The following C1QTNF3 variants were observed in gnomAD, a reference collection of about 807,000 sequenced individuals.
The protein encoded by C1QTNF3 is complement C1q tumor necrosis factor-related protein 3.
Under a neutral mutation model 32.6 loss-of-function variants are expected in C1QTNF3, and 26 were observed. The observed-to-expected ratio is 0.80, with a 90% CI of 0.58 to 1.11. C1QTNF3 has a LOEUF of 1.11. C1QTNF3 is among the 50% of genes least tolerant of loss of function. The pLI, the probability that C1QTNF3 is intolerant of heterozygous loss-of-function variation, is 0.00. For missense variants in C1QTNF3, 362 were observed against 398.2 expected (o/e 0.91, Z 0.77); for synonymous variants, 155 against 146.0 (o/e 1.06, Z -0.44).
the C1QTNF3 span, among the ~76,000 whole-genome samples, chr5:34,068,013 T>C: frequency 6.6e-6 from 1 of 152,208 alleles, no homozygotes; most frequent in African/African-American, 2.4e-5. Flanking sequence ...CTTTTTTTAA[T>C]GAATGATTTA....
the C1QTNF3 span, among the ~76,000 whole-genome samples, chr5:34,054,492 T>TG: frequency 3.3e-5 from 5 of 152,202 alleles, no homozygotes; most frequent in Non-Finnish European, 7.3e-5. Context: ...CAAGCTGCCA[T>TG]GAACAGTTCA....
intron 2 of C1QTNF3, among the ~76,000 whole-genome samples, chr5:34,034,006 G>A (rs1754678769): frequency 6.6e-6 from 1 of 152,040 alleles, no homozygotes; most frequent in South Asian, 2.1e-4. Context: ...TACAAAAATA[G>A]AAATTAAAAA....
chr5:34,026,697 C>G (rs73079050), intron 4 of C1QTNF3, among the ~76,000 whole-genome samples: 6,698 of 152,074 alleles, frequency 0.044, 194 homozygotes, highest in Middle Eastern at 0.099. Context: ...CTGCCCTGGT[C>G]CTTTCTTCAC....
the C1QTNF3 span, among the ~76,000 whole-genome samples, chr5:34,052,803 A>G: frequency 1.1e-4 from 17 of 152,370 alleles, no homozygotes; most frequent in South Asian, 1.9e-3. Context: ...TCAAGTCTGC[A>G]TAAATTGTTT....
the C1QTNF3 span, among the ~76,000 whole-genome samples, chr5:34,085,714 A>G: frequency 6.6e-6 from 1 of 151,798 alleles, no homozygotes; most frequent in Non-Finnish European, 1.5e-5. Flanking sequence ...GTCGTTAGAG[A>G]AATGCAAATC....
chr5:34,027,735 C>A (rs1018429291), intron 4 of C1QTNF3, among the ~76,000 whole-genome samples: 127 of 81,010 alleles, frequency 1.6e-3, no homozygotes, highest in African/African-American at 2.0e-3. Context: ...CCACCACCAC[C>A]AAAAAAAAAA....
chr5:34,022,334 G>C (rs1363141586), intron 5 of C1QTNF3, among the ~76,000 whole-genome samples: 2 of 152,216 alleles, frequency 1.3e-5, no homozygotes, highest in Non-Finnish European at 2.9e-5. Flanking sequence ...CAGGAAGTGG[G>C]CTGTGAGAGA....
the C1QTNF3 span, among the ~76,000 whole-genome samples, chr5:34,077,605 A>G: frequency 6.6e-6 from 1 of 151,740 alleles, no homozygotes; most frequent in Non-Finnish European, 1.5e-5. Flanking sequence ...TAATTCTTTA[A>G]AAGTTTAAGT....
chr5:34,114,194 C>T, the C1QTNF3 span, among the ~76,000 whole-genome samples: 1 of 152,136 alleles, frequency 6.6e-6, no homozygotes, highest in Non-Finnish European at 1.5e-5. Context: ...TTACACTGTA[C>T]CGTCTGCTTA....
At chr5:34,166,640 A>G in the C1QTNF3 span, 2 of 152,186 alleles carry the variant, frequency 1.3e-5, no homozygotes, top group Non-Finnish European at 2.9e-5. Context: ...TTTTATAAAC[A>G]TATGTTTTAG....
rs1754401700 is a variant in C1QTNF3 at position 34,023,938 on chromosome 5, G to A, written c.771C>T (p.His257=). The A allele has an allele frequency of 6.2e-7, 1 of 1,613,966 alleles. No individual in the cohort carries two copies. The highest frequency in any genetic ancestry group is 1.7e-5 in the Admixed American group (1 of 60,006). ...DVEEVYVYLM[H]NGNTVFSMYS... is the part of the protein sequence containing the mutation. ...ACATGCTGAAGACTGTGTTGCCATT[G>A]TGCATAAGGTACACATACACTTCCT... Residue 257 remains histidine (H), a synonymous_variant, in exon 5 of 6, where the codon CAC becomes CAT. Transcript: ENST00000382065.
the C1QTNF3 span, among the ~76,000 whole-genome samples, chr5:34,221,250 T>A: frequency 4.6e-5 from 7 of 152,114 alleles, no homozygotes; most frequent in Non-Finnish European, 1.0e-4. Flanking sequence ...TATCTATACA[T>A]AAATCAGCAC....
In C1QTNF3 at chr5:34,028,717, T is replaced by G; in HGVS notation, c.700+37A>C. On this transcript the variant is annotated intron_variant, in intron 4 of 5. Transcript: ENST00000382065. ...TCCTTAATTGTCTTTATTATTACAT[T>G]GATTAACTCAATCTTCATCCTATGT... 1.9e-6 allele frequency: 3 copies of G among 1,561,102 alleles called. No homozygotes were observed. The South Asian group carries it at 3.6e-5, about 19-fold the overall frequency.
the C1QTNF3 span, among the ~76,000 whole-genome samples, chr5:34,071,969 T>C: frequency 2.5e-3 from 387 of 151,768 alleles, 2 homozygotes; most frequent in African/African-American, 9.2e-3. Context: ...TTTCCATTGC[T>C]GGGGATGACC....
In C1QTNF3 at chr5:34,020,304, C is replaced by T. The variant is rs947889677; in HGVS notation, c.*279G>A. The T allele has an allele frequency of 3.0e-5, 9 of 303,590 alleles. No individual in the cohort carries two copies. Among genetic ancestry groups the T allele is most frequent in the African/African-American group, 1.5e-4 (7 of 46,510 alleles). 18.8% of individuals were successfully genotyped at this position (303,590 alleles called of 1,614,324 possible). A position where few individuals can be genotyped will look rare whatever the true frequency, so the allele number is the denominator to read the frequency against. On this transcript the variant is annotated 3_prime_UTR_variant, in exon 6 of 6. Transcript: ENST00000382065. ...CTGTGATAGAAAAAAATATTTCCAA[C>T]CTGCGTCAGAGGAGAATTATCTTTT...
the C1QTNF3 span, chr5:34,176,054 T>C: frequency 1.6e-6 from 1 of 615,622 alleles, no homozygotes; most frequent in East Asian, 2.8e-5. Flanking sequence ...ATATCTGTCC[T>C]CACTGGGGGC....
At chr5:34,130,670 A>C in the C1QTNF3 span, among the ~76,000 whole-genome samples, 1 of 152,254 alleles carries the variant, frequency 6.6e-6, no homozygotes, top group Non-Finnish European at 1.5e-5. Context: ...TCTGTCTTTC[A>C]TGGTGAACCA....
the C1QTNF3 span, among the ~76,000 whole-genome samples, chr5:34,084,722 T>C: frequency 6.7e-6 from 1 of 148,492 alleles, no homozygotes; most frequent in Non-Finnish European, 1.5e-5. Context: ...TTCTGGACAT[T>C]AGCCCTTTGT....
the C1QTNF3 span, among the ~76,000 whole-genome samples, chr5:34,083,417 A>G: frequency 6.6e-6 from 1 of 151,602 alleles, no homozygotes; most frequent in Non-Finnish European, 1.5e-5. Context: ...AACACATGCC[A>G]CGTAGAATCT....
Sources: allele counts gnomAD v4.1 joint callset (sites outside exome capture counted in the v4.1 genomes callset), GRCh38; gene constraint gnomAD v4.1.1; transcripts MANE v1.5; gene names NCBI Gene and HGNC (gene_info 2026-07-23, HGNC 2026-07-21).